Variants in SCAPER observed in about 807,000 individuals in gnomAD.
SCAPER encodes S-phase cyclin A associated protein in the ER, also known as S phase cyclin A-associated protein in the endoplasmic reticulum.
A neutral mutation model predicts 182.2 loss-of-function variants in SCAPER; 98 were observed. That is an observed-to-expected ratio of 0.54 (90% CI 0.46 to 0.64). SCAPER has a LOEUF of 0.64. Among genes scored for constraint, SCAPER ranks in the 30% least tolerant of loss-of-function variants. The probability of loss-of-function intolerance (pLI) is 0.00; values close to 1 mark genes in which losing one functional copy is unlikely to be tolerated. For missense variants in SCAPER, 1,432 were observed against 1,690.0 expected (o/e 0.85, Z 2.68); for synonymous variants, 605 against 564.6 (o/e 1.07, Z -1.01).
At chr15:76,703,434 T>C (rs995188666) in intron 18 of SCAPER, among the ~76,000 whole-genome samples, 3 of 152,190 alleles carry the variant, frequency 2.0e-5, no homozygotes, top group African/African-American at 4.8e-5. Context: ...AATGTTAACC[T>C]ACGGGTAAAG....
At chr15:76,767,139 A>C in intron 10 of SCAPER, 51 bp from the exon 11 acceptor site, 1 of 1,439,650 alleles carries the variant, frequency 6.9e-7, no homozygotes, top group Non-Finnish European at 9.4e-7. Flanking sequence ...ACTTGACTGG[A>C]AAGTAATCAT....
intron 2 of SCAPER, among the ~76,000 whole-genome samples, chr15:76,871,778 A>G (rs1167930299): frequency 1.3e-5 from 2 of 151,880 alleles, no homozygotes; most frequent in African/African-American, 4.8e-5. Flanking sequence ...TTTAGTAGAG[A>G]CAGGGTTTCA....
intron 21 of SCAPER, among the ~76,000 whole-genome samples, chr15:76,643,856 T>C (rs2054312779): frequency 6.6e-6 from 1 of 152,132 alleles, no homozygotes; most frequent in South Asian, 2.1e-4. Flanking sequence ...TACCAAAATA[T>C]AGATTCCTCC....
At chr15:76,791,418 G>GA (rs1350130787) in intron 8 of SCAPER, among the ~76,000 whole-genome samples, 1 of 152,158 alleles carries the variant, frequency 6.6e-6, no homozygotes, top group Non-Finnish European at 1.5e-5. Flanking sequence ...TCAGATGAGT[G>GA]AATGTGGATT....
chr15:76,660,549 T>C (rs751886331), intron 21 of SCAPER, among the ~76,000 whole-genome samples: 1 of 152,162 alleles, frequency 6.6e-6, no homozygotes, highest in Non-Finnish European at 1.5e-5. Flanking sequence ...CATAGATCTA[T>C]GATGAAAACT....
intron 5 of SCAPER, among the ~76,000 whole-genome samples, chr15:76,825,965 G>A (rs146004870): frequency 3.9e-5 from 6 of 152,202 alleles, no homozygotes; most frequent in African/African-American, 7.2e-5. Flanking sequence ...GGCTGGTCTC[G>A]AACTCCTGAC....
At chr15:76,767,758 T>C (rs926087383) in intron 10 of SCAPER, among the ~76,000 whole-genome samples, 7 of 152,064 alleles carry the variant, frequency 4.6e-5, no homozygotes, top group Admixed American at 3.9e-4. Context: ...ATGGTGGATT[T>C]AAACAAACTA....
intron 22 of SCAPER, among the ~76,000 whole-genome samples, chr15:76,609,268 C>A (rs537106975): frequency 6.6e-6 from 1 of 151,732 alleles, no homozygotes; most frequent in Non-Finnish European, 1.5e-5. Flanking sequence ...AAGAGGACTG[C>A]TTGAGGCCAG....
At chr15:76,886,352 C>T (rs1045832603) in intron 1 of SCAPER, among the ~76,000 whole-genome samples, 12 of 151,934 alleles carry the variant, frequency 7.9e-5, no homozygotes, top group East Asian at 1.9e-4. Context: ...TGGTGGTGCG[C>T]GCCTGTAATC....
intron 5 of SCAPER, among the ~76,000 whole-genome samples, chr15:76,812,264 A>C (rs568246139): frequency 6.6e-6 from 1 of 152,204 alleles, no homozygotes; most frequent in East Asian, 1.9e-4. Flanking sequence ...CAGTGAGCCA[A>C]GATTGTGCCA....
chr15:76,691,169 G>C (rs1598185401), intron 20 of SCAPER, among the ~76,000 whole-genome samples: 1 of 152,056 alleles, frequency 6.6e-6, no homozygotes. Context: ...GAATAAAAAT[G>C]CTCAGTGGAC....
Position 76,862,438 on chromosome 15 carries a change from T to C in SCAPER, c.102A>G (p.Pro34=). The C allele has an allele frequency of 6.2e-7, 1 of 1,609,530 alleles. No individual in the cohort carries two copies. Among genetic ancestry groups the C allele is most frequent in the South Asian group, 1.1e-5 (1 of 90,802 alleles). ...TACCATCATCATCTTTGCTTTCTAG[T>C]GGAACACTCCAAGCTATTAGGTTTC... ...TARNLIAWSV[P]LESKDDDGKP... Residue 34 remains proline, a synonymous_variant, in exon 3 of 32, where the codon CCA becomes CCG. Transcript: ENST00000563290.
intron 10 of SCAPER, 99 bp from the exon 11 acceptor site, chr15:76,767,187 A>T: frequency 9.1e-7 from 1 of 1,098,640 alleles, no homozygotes; most frequent in Non-Finnish European, 1.3e-6. Context: ...GTATACATAA[A>T]ATTGTATTGA....
chr15:76,523,349 A>G (rs1307020576), intron 23 of SCAPER, among the ~76,000 whole-genome samples: 1 of 152,086 alleles, frequency 6.6e-6, no homozygotes, highest in South Asian at 2.1e-4. Context: ...TTGTTTCTCA[A>G]ACCAGCCAAC....
chr15:76,576,623 C>T (rs62030411), intron 22 of SCAPER, among the ~76,000 whole-genome samples: 10,190 of 152,198 alleles, frequency 0.067, 377 homozygotes, highest in Middle Eastern at 0.11. Context: ...ATTTTAACTT[C>T]GTATCACTGA....
chr15:76,440,334 T>C (rs2047477275), intron 25 of SCAPER, among the ~76,000 whole-genome samples: 1 of 152,240 alleles, frequency 6.6e-6, no homozygotes, highest in Non-Finnish European at 1.5e-5. Flanking sequence ...CAAGCATGTA[T>C]TCTTTTTTCC....
chr15:76,654,112 C>T (rs569739681), intron 21 of SCAPER, among the ~76,000 whole-genome samples: 54 of 152,262 alleles, frequency 3.5e-4, no homozygotes, highest in South Asian at 1.0e-3. Context: ...CTCAGCATCA[C>T]TAATAATCAG....
intron 24 of SCAPER, among the ~76,000 whole-genome samples, chr15:76,491,435 G>C (rs1206309933): frequency 6.6e-6 from 1 of 152,052 alleles, no homozygotes; most frequent in Non-Finnish European, 1.5e-5. Context: ...TTATATGTAA[G>C]AACATGTATT....
At chr15:76,538,451 T>C (rs2044399771) in intron 23 of SCAPER, among the ~76,000 whole-genome samples, 4 of 151,690 alleles carry the variant, frequency 2.6e-5, no homozygotes, top group Admixed American at 2.0e-4. Context: ...TCATTCTCAG[T>C]AAACTATCGC....
Sources: gnomAD v4.1 joint callset for allele counts (sites outside exome capture counted in the v4.1 genomes callset) on GRCh38, gnomAD v4.1.1 for gene constraint, MANE v1.5 for transcripts, NCBI Gene and HGNC (gene_info 2026-07-23, HGNC 2026-07-21) for gene names.